YWHAZ: variants seen among roughly 807,000 people sequenced by gnomAD.
The protein encoded by YWHAZ is 14-3-3 protein zeta/delta.
For synonymous variants in YWHAZ, 87 were observed against 103.6 expected (o/e 0.84, Z 0.97); for missense variants, 79 against 284.8 (o/e 0.28, Z 5.20).
At chr8:100,951,665 C>G (rs1431953591) in intron 1 of YWHAZ, 1 of 985,296 alleles carries the variant, frequency 1.0e-6, no homozygotes, top group East Asian at 1.1e-4. Context: ...CTACCCACCC[C>G]CGGGGGCAGG....
In YWHAZ at chr8:100,922,166, T is replaced by C. The variant is rs1423853613; in HGVS notation, c.679-1414A>G. Among the ~76,000 whole-genome samples the C allele has an allele frequency of 5.3e-5, 8 of 152,238 alleles. No homozygotes were observed. The highest frequency in any genetic ancestry group is 2.9e-5 in the Non-Finnish European group (2 of 68,040). ...TTCAAGGATTCTTGAATTTTCTGTA[T>C]AAACATGCAAATTTGATACAAAATA... On this transcript the variant is annotated intron_variant, in intron 5 of 5. Coordinates refer to ENST00000395958, the MANE Select transcript of YWHAZ (RefSeq NM_145690.3). This position sits in a 1 kb window ranked among gnomAD's most constrained non-coding sequence, Gnocchi z 4.1.
upstream of YWHAZ, chr8:100,952,049 C>G (rs1563696036): frequency 1.0e-6 from 1 of 989,570 alleles, no homozygotes; most frequent in Non-Finnish European, 1.2e-6. Flanking sequence ...CAGGCTACAG[C>G]CGCTCCGCAG....
chr8:100,949,315 G>C (rs1023685804), intron 1 of YWHAZ, among the ~76,000 whole-genome samples: 7 of 152,118 alleles, frequency 4.6e-5, no homozygotes, highest in African/African-American at 1.7e-4. Context: ...GAGAACATCT[G>C]GATTTCTATC....
In YWHAZ at chr8:100,917,921, T is replaced by G. The variant is rs886371283; in HGVS notation, c.*2772A>C. On this transcript the variant is annotated 3_prime_UTR_variant, in exon 6 of 6. Transcript: ENST00000395958. The stretch of plus-strand genomic sequence containing the variant: ...AAATTTTCCTTAATCTATTGGGAAC[T>G]ACTATGTAGAAAACATTAGTTAATA... 4 of 152,206 alleles carry G rather than the reference T, an allele frequency of 2.6e-5. No homozygotes were observed. Among genetic ancestry groups the G allele is most frequent in the African/African-American group, 7.2e-5 (3 of 41,456 alleles). The allele number at this position is 152,206 out of a possible 1,614,324, so 9.4% of individuals were successfully genotyped here.
chr8:100,926,534 G>T (rs1484458338), intron 2 of YWHAZ, among the ~76,000 whole-genome samples: 2 of 152,192 alleles, frequency 1.3e-5, no homozygotes, highest in African/African-American at 4.8e-5. Flanking sequence ...CAGGAGAACT[G>T]CTTGAGCCCG....
rs958265812 is a variant in YWHAZ, at chr8:100,951,979, G to GGGCGGC, written c.-68_-63dup. Reference sequence around the variant, plus strand: ...CGGACGGACGGGCTCAGCAGTCTCTGGGCGGCGGCGGCGGCAGCAGCGGCG... The same window carrying GGGCGGC: ...CGGACGGACGGGCTCAGCAGTCTCTGGGCGGCGGCGGCGGCGGCGGCAGCAGCGGCG... On this transcript the variant is annotated 5_prime_UTR_variant, in exon 1 of 6. Coordinates refer to ENST00000395958, the MANE Select transcript of YWHAZ (RefSeq NM_145690.3). The GGGCGGC allele has an allele frequency of 4.8e-5, 48 of 1,004,268 alleles. No homozygotes were observed. Among genetic ancestry groups the GGGCGGC allele is most frequent in the Middle Eastern group, 5.0e-4 (1 of 1,986 alleles). 62.2% of individuals were successfully genotyped at this position (1,004,268 alleles called of 1,614,324 possible).
chr8:100,935,387 C>A (rs74803856), intron 2 of YWHAZ, among the ~76,000 whole-genome samples: 1,636 of 152,250 alleles, frequency 0.011, 12 homozygotes, highest in Non-Finnish European at 0.016. Context: ...TTCAGAAAGT[C>A]TTCATCATCA....
chr8:100,935,737 G>T (rs1419554089), intron 2 of YWHAZ, among the ~76,000 whole-genome samples: 1 of 152,078 alleles, frequency 6.6e-6, no homozygotes, highest in Non-Finnish European at 1.5e-5. Flanking sequence ...GAAGTCAAGG[G>T]TCCTAGATTA....
intron 2 of YWHAZ, among the ~76,000 whole-genome samples, chr8:100,939,914 T>C (rs980358379): frequency 1.8e-4 from 28 of 151,670 alleles, no homozygotes; most frequent in Non-Finnish European, 3.7e-4. Context: ...TCCCAGCTAC[T>C]AGGGAGGCTG....
At chr8:100,923,890 T>G in intron 5 of YWHAZ, 65 bp downstream of exon 5, 1 of 1,341,810 alleles carries the variant, frequency 7.5e-7, no homozygotes, top group Non-Finnish European at 1.0e-6. Flanking sequence ...AAAAAAAAAA[T>G]TCCCTAGAGT....
intron 2 of YWHAZ, among the ~76,000 whole-genome samples, chr8:100,937,389 GGAGA>G (rs1309486375): frequency 1.3e-5 from 2 of 151,734 alleles, no homozygotes; most frequent in Admixed American, 6.6e-5. Flanking sequence ...TATGTGGGGT[GGAGA>G]GAAAGTTCTC....
At position 100,950,421 on chromosome 8, in the gene YWHAZ, G is replaced by T. The variant is rs577759733; in HGVS notation, c.-12+1508C>A. On this transcript the variant is annotated intron_variant, in intron 1 of 5. Transcript: ENST00000395958. ...TAACCCTTACCTGACTTGAGACGTCGGTTACTGTGAAACGAAAACGGGCAG... is the reference window on the plus strand; with the variant it reads ...TAACCCTTACCTGACTTGAGACGTCTGTTACTGTGAAACGAAAACGGGCAG... The T allele has an allele frequency of 3.0e-4, 297 of 985,448 alleles. 1 individual carries two copies. Among genetic ancestry groups the T allele is most frequent in the Admixed American group, 2.3e-3 (38 of 16,282 alleles). 61.0% of individuals were successfully genotyped at this position (985,448 alleles called of 1,614,324 possible).
At chr8:100,921,900 T>TA (rs1813049541) in intron 5 of YWHAZ, among the ~76,000 whole-genome samples, 1 of 152,220 alleles carries the variant, frequency 6.6e-6, no homozygotes, top group African/African-American at 2.4e-5. Flanking sequence ...ATATATGACT[T>TA]ACACATGAAA....
chr8:100,952,162 CG>C, upstream of YWHAZ: 1 of 985,240 alleles, frequency 1.0e-6, no homozygotes, highest in Non-Finnish European at 1.2e-6. Context: ...CCACAGCGAT[CG>C]GGGCCCCGCG....
chr8:100,928,441 A>C (rs1813519620), intron 2 of YWHAZ, among the ~76,000 whole-genome samples: 1 of 151,344 alleles, frequency 6.6e-6, no homozygotes. Flanking sequence ...ACTATAAAAG[A>C]ACATTTTCTG....
chr8:100,928,741 A>C (rs1360070121), intron 2 of YWHAZ, among the ~76,000 whole-genome samples: 2 of 148,720 alleles, frequency 1.3e-5, no homozygotes, highest in East Asian at 3.9e-4. Context: ...CTTAAAAAGA[A>C]AAAAAAAAAA....
At position 100,916,974 on chromosome 8, in the gene YWHAZ, A is replaced by T. The variant is rs1376931827; in HGVS notation, c.*3719T>A. 6.6e-6 allele frequency: 1 copy of T among 152,238 alleles called. No homozygotes were observed. The highest frequency in any genetic ancestry group is 2.4e-5 in the African/African-American group (1 of 41,454). 9.4% of individuals were successfully genotyped at this position (152,238 alleles called of 1,614,324 possible). On this transcript the variant is annotated 3_prime_UTR_variant, in exon 6 of 6. Coordinates refer to ENST00000395958, the MANE Select transcript of YWHAZ (RefSeq NM_145690.3). ...TACTATTGTACATATTTTCAGTTCT[A>T]CCATAGTATTTCCTATATGGTAAAT...
chr8:100,952,710 G>A (rs1810892822), upstream of YWHAZ: 2 of 868,594 alleles, frequency 2.3e-6, no homozygotes, highest in Admixed American at 6.2e-5. Flanking sequence ...CCCCGGGGCG[G>A]GGGCAGGGCG....
At chr8:100,949,043 C>T (rs1187339541) in intron 1 of YWHAZ, 143 bp from the exon 2 acceptor site, 3 of 1,046,658 alleles carry the variant, frequency 2.9e-6, no homozygotes, top group African/African-American at 1.6e-5. Flanking sequence ...TAAAATGCAG[C>T]CTCACAAAAG....
Sources: gnomAD v4.1 joint callset for allele counts (sites outside exome capture counted in the v4.1 genomes callset) on GRCh38, gnomAD v4.1.1 for gene constraint, Gnocchi (gnomAD v3.1) non-coding constraint, MANE v1.5 for transcripts, NCBI Gene and HGNC (gene_info 2026-07-23, HGNC 2026-07-21) for gene names.